The following KYNU variants were observed in gnomAD, a reference collection of about 807,000 sequenced individuals.
KYNU encodes the protein kynureninase.
KYNU carries 54 observed loss-of-function variants against 59.2 expected under a neutral mutation model. The observed-to-expected ratio is 0.91, with a 90% confidence interval of 0.73 to 1.14. The LOEUF is 1.14. Ranked by LOEUF, KYNU falls within the 50% of genes most tolerant of loss-of-function variation. KYNU has a pLI of 0.00. For synonymous variants in KYNU, 177 were observed against 192.0 expected, an observed-to-expected ratio of 0.92 and a Z score of 0.65; for missense variants, 567 against 554.4, an observed-to-expected ratio of 1.02 and a Z score of -0.23.
chr2:142,927,697 T>C lies in KYNU; in HGVS notation c.329T>C (p.Ile110Thr). Reference sequence around the variant, plus strand: ...CATGAAGTGGGGAAGCGTCCTTGGATTACAGGAGATGAGAGTATTGTAGGC... The same window carrying C: ...CATGAAGTGGGGAAGCGTCCTTGGACTACAGGAGATGAGAGTATTGTAGGC... ...YGHEVGKRPWITGDESIVGLM... is the reference protein window; with the variant it reads ...YGHEVGKRPWTTGDESIVGLM... The change falls in exon 4 of 14, where the codon ATT (isoleucine) becomes ACT (threonine). Residue 110 changes from isoleucine (I) to threonine (T), a missense_variant. Coordinates refer to ENST00000264170, the MANE Select transcript of KYNU (RefSeq NM_003937.3). 6.2e-7 allele frequency: 1 copy of C among 1,613,394 alleles called. No individual in the cohort carries two copies. Among genetic ancestry groups the C allele is most frequent in the South Asian group, 1.1e-5 (1 of 91,056 alleles).
chr2:142,930,170 G>T (rs774680046), intron 4 of KYNU, among the ~76,000 whole-genome samples: 8 of 152,164 alleles, frequency 5.3e-5, no homozygotes, highest in Non-Finnish European at 8.8e-5. Flanking sequence ...AGATTTTATG[G>T]TTTGTAGGAT....
chr2:142,895,069 T>C (rs533156544), intron 2 of KYNU, among the ~76,000 whole-genome samples: 1 of 152,320 alleles, frequency 6.6e-6, no homozygotes, highest in African/African-American at 2.4e-5. Context: ...TGGTAGAATG[T>C]TCTCTTTCCT....
chr2:142,961,443 T>G (rs56881002), intron 8 of KYNU, among the ~76,000 whole-genome samples: 157 of 152,224 alleles, frequency 1.0e-3, no homozygotes, highest in African/African-American at 3.7e-3. Flanking sequence ...AGATAGGAAG[T>G]ACATGCTAGG....
At chr2:142,988,791 C>T (rs937175206) in intron 10 of KYNU, 27 of 1,252,424 alleles carry the variant, frequency 2.2e-5, no homozygotes, top group Admixed American at 1.0e-4. Context: ...CAACTTCTAG[C>T]CTTGGCTCTC....
chr2:142,949,295 C>T (rs1182332421), intron 4 of KYNU, among the ~76,000 whole-genome samples: 1 of 152,168 alleles, frequency 6.6e-6, no homozygotes, highest in Non-Finnish European at 1.5e-5. Context: ...GACAGTGGCC[C>T]TCTTCTCACA....
rs566932846 is a variant in KYNU, at chr2:142,909,343, AT to A, written c.170-9256del. On this transcript the variant is annotated intron_variant, in intron 2 of 13. Transcript: ENST00000264170. ...CATTTTACTGCACTTTGCTGTTTGT[AT>A]TTTTTTTTTAATTTCAACTTATATT... Among the ~76,000 whole-genome samples, 1,192 of 149,896 alleles carry A rather than the reference AT, an allele frequency of 8.0e-3. 10 individuals are homozygous for A. Among genetic ancestry groups the A allele is most frequent in the Middle Eastern group, 0.021 (6 of 290 alleles).
At chr2:142,898,035 G>A (rs972172579) in intron 2 of KYNU, among the ~76,000 whole-genome samples, 2 of 151,998 alleles carry the variant, frequency 1.3e-5, no homozygotes, top group Non-Finnish European at 2.9e-5. Flanking sequence ...CTGAGAAGCA[G>A]GGACCACAGA....
intron 2 of KYNU, among the ~76,000 whole-genome samples, chr2:142,917,503 T>C (rs1385488643): frequency 6.6e-6 from 1 of 152,190 alleles, no homozygotes; most frequent in Non-Finnish European, 1.5e-5. Context: ...AGTCTCACTA[T>C]GTTGCCCATG....
intron 1 of KYNU, 149 bp downstream of exon 1, chr2:142,877,885 G>A (rs1341197363): frequency 6.6e-6 from 1 of 151,730 alleles, no homozygotes; most frequent in African/African-American, 2.4e-5. Flanking sequence ...TATTCTTTTT[G>A]TAAATAAAAA....
chr2:142,922,770 A>C (rs751022595), intron 3 of KYNU, among the ~76,000 whole-genome samples: 3 of 152,182 alleles, frequency 2.0e-5, no homozygotes, highest in Non-Finnish European at 4.4e-5. Context: ...TTGATTTCTT[A>C]TACTAAGGAA....
chr2:142,900,954 G>A (rs1007144549), intron 2 of KYNU, among the ~76,000 whole-genome samples: 9 of 151,862 alleles, frequency 5.9e-5, no homozygotes, highest in Non-Finnish European at 1.5e-5. Flanking sequence ...AACTTAACAA[G>A]GATGTTAAAG....
Position 142,924,446 on chromosome 2 carries a change from GA to G in KYNU, c.291-3205del, listed in dbSNP as rs199763762. 7.7e-3 allele frequency among the ~76,000 whole-genome samples: 1,176 copies of G among 151,868 alleles called. 10 individuals carry two copies. The highest frequency in any genetic ancestry group is 0.02 in the Middle Eastern group (6 of 294). ...TTGGCTAATCATCAATTGGATCATG[GA>G]AAAAAAATTATAATGTAATGAAGGC... On this transcript the variant is annotated intron_variant, in intron 3 of 13. Coordinates refer to ENST00000264170, the MANE Select transcript of KYNU (RefSeq NM_003937.3).
intron 2 of KYNU, among the ~76,000 whole-genome samples, chr2:142,904,273 C>T (rs909812137): frequency 1.3e-5 from 2 of 152,132 alleles, no homozygotes; most frequent in African/African-American, 4.8e-5. Context: ...AGGCTTCTTC[C>T]TAGTTTTCCT....
At chr2:142,919,810 G>A (rs755880948) in intron 3 of KYNU, among the ~76,000 whole-genome samples, 2 of 152,244 alleles carry the variant, frequency 1.3e-5, no homozygotes, top group Non-Finnish European at 2.9e-5. Context: ...GGTGGCTCAC[G>A]CCTGTAATCC....
At chr2:143,032,846 C>G (rs981534009) in intron 11 of KYNU, among the ~76,000 whole-genome samples, 1 of 151,842 alleles carries the variant, frequency 6.6e-6, no homozygotes, top group Admixed American at 6.6e-5. Flanking sequence ...GGAGACATTA[C>G]AATTACATGC....
At chr2:142,961,176 G>C (rs1478817934) in intron 8 of KYNU, among the ~76,000 whole-genome samples, 2 of 142,662 alleles carry the variant, frequency 1.4e-5, no homozygotes, top group Non-Finnish European at 3.0e-5. Flanking sequence ...CTGGGCAACA[G>C]AGCAAGACTC....
At position 142,972,791 on chromosome 2, in the gene KYNU, CATATAT is replaced by C. The variant is rs72267912; in HGVS notation, c.729+12039_729+12044del. 2.3e-3 allele frequency among the ~76,000 whole-genome samples: 307 copies of C among 135,348 alleles called. 3 individuals carry two copies. The highest frequency in any genetic ancestry group is 7.9e-3 in the African/African-American group (287 of 36,112). 88.8% of individuals were successfully genotyped at this position (135,348 alleles called of 152,430 possible). On this transcript the variant is annotated intron_variant, in intron 8 of 13. Coordinates refer to ENST00000264170, the MANE Select transcript of KYNU (RefSeq NM_003937.3). The stretch of plus-strand genomic sequence containing the variant: ...TTATGTAGACTACAGAGACAGAGGC[CATATAT>C]ATATATATATATATATAGAGAGAGA...
intron 12 of KYNU, among the ~76,000 whole-genome samples, chr2:143,038,141 A>G (rs1686938891): frequency 6.6e-6 from 1 of 152,166 alleles, no homozygotes; most frequent in Non-Finnish European, 1.5e-5. Flanking sequence ...CACACAAATG[A>G]ACTATCATTA....
chr2:142,999,007 CAAAAAAAAAAA>C (rs59742828), intron 10 of KYNU, among the ~76,000 whole-genome samples: 644 of 63,484 alleles, frequency 0.01, 8 homozygotes, highest in African/African-American at 0.043. Context: ...GACTCCGTCT[CAAAAAAAAAAA>C]AAAAAAAAAA....
Sources: allele counts gnomAD v4.1 joint callset (sites outside exome capture counted in the v4.1 genomes callset), GRCh38; gene constraint gnomAD v4.1.1; transcripts MANE v1.5; gene names NCBI Gene and HGNC (gene_info 2026-07-23, HGNC 2026-07-21).